RAB8B: variants seen among roughly 807,000 people sequenced by gnomAD.
RAB8B encodes the protein ras-related protein Rab-8B.
Under a neutral mutation model 32.0 loss-of-function variants are expected in RAB8B, and 11 were observed. The ratio of observed to expected loss-of-function variants is 0.34; its 90% CI spans 0.22 to 0.57. RAB8B has a LOEUF of 0.57. RAB8B is among the 20% of genes least tolerant of loss of function. The probability of loss-of-function intolerance (pLI) is 0.86; values close to 1 mark genes in which losing one functional copy is unlikely to be tolerated. For synonymous variants in RAB8B, 103 were observed against 89.6 expected (o/e 1.15, Z -0.85); for missense variants, 190 against 258.5 (o/e 0.73, Z 1.82).
chr15:63,251,897 G>C (rs2038119608), intron 3 of RAB8B, among the ~76,000 whole-genome samples: 1 of 152,086 alleles, frequency 6.6e-6, no homozygotes, highest in African/African-American at 2.4e-5. Flanking sequence ...GTTATGGCAG[G>C]TTTAGTTTGG....
At chr15:63,191,987 A>C (rs2037559331) in intron 1 of RAB8B, among the ~76,000 whole-genome samples, 1 of 152,362 alleles carries the variant, frequency 6.6e-6, no homozygotes, top group East Asian at 1.9e-4. Flanking sequence ...CATGAAAACC[A>C]GTGTCCTGAA....
At chr15:63,230,990 C>T (rs1188773587) in intron 1 of RAB8B, among the ~76,000 whole-genome samples, 1 of 152,158 alleles carries the variant, frequency 6.6e-6, no homozygotes, top group East Asian at 1.9e-4. Flanking sequence ...CTCCTCCCCT[C>T]TCTACTAAAA....
At chr15:63,250,097 C>T (rs551490836) in intron 3 of RAB8B, among the ~76,000 whole-genome samples, 2 of 152,280 alleles carry the variant, frequency 1.3e-5, no homozygotes, top group Admixed American at 1.3e-4. Flanking sequence ...GATTGCGCCA[C>T]TGCAGTCCGC....
Position 63,263,652 on chromosome 15 carries a change from G to A in RAB8B, c.*33G>A, listed in dbSNP as rs572387833. On this transcript the variant is annotated 3_prime_UTR_variant, in exon 8 of 8. Transcript: ENST00000321437. Reference sequence around the variant, plus strand: ...TTTCTGAGAGACTGCAGCACACCTAGAGGGCCCTTTCCTGCTTCTCTGAAA... The same window carrying A: ...TTTCTGAGAGACTGCAGCACACCTAAAGGGCCCTTTCCTGCTTCTCTGAAA... 1 of 1,529,636 alleles carries A rather than the reference G, an allele frequency of 6.5e-7. No homozygotes were observed. Among genetic ancestry groups the A allele is most frequent in the South Asian group, 1.1e-5 (1 of 89,062 alleles). The allele number at this position is 1,529,636 out of a possible 1,614,324, so 94.8% of individuals were successfully genotyped here.
At chr15:63,214,164 A>G (rs988918898) in intron 1 of RAB8B, among the ~76,000 whole-genome samples, 2 of 151,750 alleles carry the variant, frequency 1.3e-5, no homozygotes, top group African/African-American at 2.4e-5. Context: ...CTGATTGGCT[A>G]TTCCTTTCAA....
At chr15:63,226,720 C>G (rs1027545033) in intron 1 of RAB8B, among the ~76,000 whole-genome samples, 9 of 152,130 alleles carry the variant, frequency 5.9e-5, no homozygotes, top group African/African-American at 2.2e-4. Context: ...GGTTCTGATC[C>G]AGACCCCAAG....
chr15:63,262,280 T>A (rs1241425848), intron 6 of RAB8B, among the ~76,000 whole-genome samples: 1 of 152,094 alleles, frequency 6.6e-6, no homozygotes, highest in Non-Finnish European at 1.5e-5. Context: ...TCAACAAGGG[T>A]GTTATTGTGA....
chr15:63,237,267 G>C (rs2037988789), intron 1 of RAB8B, among the ~76,000 whole-genome samples: 1 of 152,134 alleles, frequency 6.6e-6, no homozygotes, highest in Non-Finnish European at 1.5e-5. Flanking sequence ...AGGATTGCTG[G>C]GTCATATGAT....
At chr15:63,206,133 G>T (rs1354882816) in intron 1 of RAB8B, among the ~76,000 whole-genome samples, 1 of 152,080 alleles carries the variant, frequency 6.6e-6, no homozygotes, top group East Asian at 1.9e-4. Flanking sequence ...ACATACATAC[G>T]TTTCAAAGGA....
rs58765418 is a variant in RAB8B at position 63,197,370 on chromosome 15, C to CTTT, written c.124+7641_124+7643dup. 3.7e-3 allele frequency among the ~76,000 whole-genome samples: 226 copies of CTTT among 61,442 alleles called. 3 individuals are homozygous for CTTT. Among genetic ancestry groups the CTTT allele is most frequent in the East Asian group, 9.6e-3 (16 of 1,664 alleles). The allele number at this position is 61,442 out of a possible 152,430, so 40.3% of individuals were successfully genotyped here. ...TTTTCTTTCTTTCTTTCTTTCTTTT[C>CTTT]TTTTTTTTTTTTTTTTTTTTTAAGA... is the stretch of plus-strand genomic sequence containing the variant. On this transcript the variant is annotated intron_variant, in intron 1 of 7. Coordinates refer to ENST00000321437, the MANE Select transcript of RAB8B (RefSeq NM_016530.3).
At chr15:63,220,065 T>C (rs866005372) in intron 1 of RAB8B, among the ~76,000 whole-genome samples, 11 of 152,362 alleles carry the variant, frequency 7.2e-5, no homozygotes, top group African/African-American at 2.6e-4. Context: ...CTAACCAATA[T>C]GAAATATCCA....
chr15:63,243,737 T>G (rs982847144), intron 1 of RAB8B, among the ~76,000 whole-genome samples: 1 of 152,060 alleles, frequency 6.6e-6, no homozygotes, highest in African/African-American at 2.4e-5. Flanking sequence ...TTTTCAACAT[T>G]TCTCAGTCAT....
At chr15:63,217,702 T>C (rs2037805620) in intron 1 of RAB8B, among the ~76,000 whole-genome samples, 1 of 152,230 alleles carries the variant, frequency 6.6e-6, no homozygotes, top group Admixed American at 6.5e-5. Flanking sequence ...TTATTACCTT[T>C]AGCTTGTCTT....
chr15:63,200,949 C>G (rs2037643167), intron 1 of RAB8B, among the ~76,000 whole-genome samples: 2 of 152,210 alleles, frequency 1.3e-5, no homozygotes, highest in East Asian at 3.9e-4. Context: ...ACTAGGAGAT[C>G]TGGGATGCAA....
chr15:63,233,357 C>G (rs2037951956), intron 1 of RAB8B, among the ~76,000 whole-genome samples: 1 of 152,110 alleles, frequency 6.6e-6, no homozygotes, highest in African/African-American at 2.4e-5. Context: ...AGCCACTGTT[C>G]CCAGTCTCAA....
intron 3 of RAB8B, among the ~76,000 whole-genome samples, 159 bp downstream of exon 3, chr15:63,249,864 C>T (rs542734032): frequency 3.3e-5 from 5 of 152,228 alleles, no homozygotes; most frequent in African/African-American, 4.8e-5. Flanking sequence ...GGGCCGGGCG[C>T]GGTGGCTCAC....
chr15:63,197,483 C>T (rs1329931741), intron 1 of RAB8B, among the ~76,000 whole-genome samples: 1 of 149,022 alleles, frequency 6.7e-6, no homozygotes, highest in African/African-American at 2.5e-5. Context: ...AAGCAGTTCT[C>T]CTGCCTCAGC....
At chr15:63,196,463 T>G (rs777432716) in intron 1 of RAB8B, among the ~76,000 whole-genome samples, 23 of 152,218 alleles carry the variant, frequency 1.5e-4, no homozygotes, top group Non-Finnish European at 3.2e-4. Flanking sequence ...GGGGAGTCAG[T>G]TATCCTTCTA....
chr15:63,235,697 A>G (rs2037972702), intron 1 of RAB8B, among the ~76,000 whole-genome samples: 1 of 150,702 alleles, frequency 6.6e-6, no homozygotes, highest in South Asian at 2.1e-4. Flanking sequence ...ATATATATGA[A>G]TGATAATACT....
Sources: gnomAD v4.1 joint callset for allele counts (sites outside exome capture counted in the v4.1 genomes callset) on GRCh38, gnomAD v4.1.1 for gene constraint, MANE v1.5 for transcripts, NCBI Gene and HGNC (gene_info 2026-07-23, HGNC 2026-07-21) for gene names.